The following BICD2 variants were observed in gnomAD, a reference collection of about 807,000 sequenced individuals.
BICD2 encodes the protein BICD cargo adaptor 2.
BICD2 carries 25 observed loss-of-function variants against 72.9 expected under a neutral mutation model. The ratio of observed to expected loss-of-function variants is 0.34; its 90% CI spans 0.25 to 0.48. The LOEUF (loss-of-function observed/expected upper bound fraction) is 0.48. Among genes scored for constraint, BICD2 ranks in the 20% least tolerant of loss-of-function variants. The pLI is 0.99. For synonymous variants in BICD2, 501 were observed against 516.1 expected (o/e 0.97, Z 0.40); for missense variants, 894 against 1,175.2 (o/e 0.76, Z 3.50).
At position 92,719,623 on chromosome 9, in the gene BICD2, T is replaced by C. The variant is rs1325706367; in HGVS notation, c.1063-41A>G. ...CAGCAGGACACCATGTCAGTTGCTATGGACCCCGAGAGCTTGGAGGACCCC... is the reference window on the plus strand; with the variant it reads ...CAGCAGGACACCATGTCAGTTGCTACGGACCCCGAGAGCTTGGAGGACCCC... On this transcript the variant is annotated intron_variant, in intron 4 of 6. Coordinates refer to ENST00000356884, the MANE Select transcript of BICD2 (RefSeq NM_001003800.2). 16 of 1,527,738 alleles carry C rather than the reference T, an allele frequency of 1.0e-5. No individual in the cohort carries two copies. The East Asian group carries it at 3.5e-4, about 34-fold the overall frequency. 94.6% of individuals were successfully genotyped at this position (1,527,738 alleles called of 1,614,324 possible).
In BICD2 at chr9:92,747,141, AC is replaced by A. The variant is rs1452788168; in HGVS notation, c.240+17363del. Among the ~76,000 whole-genome samples, 3 of 152,184 alleles carry A rather than the reference AC, an allele frequency of 2.0e-5. No homozygotes were observed. In the East Asian group the frequency reaches 5.8e-4, roughly 30 times the overall value. On this transcript the variant is annotated intron_variant, in intron 1 of 6. Coordinates refer to ENST00000356884, the MANE Select transcript of BICD2 (RefSeq NM_001003800.2). Reference sequence around the variant, plus strand: ...GGTGGCCCACCAAGCTCCCACACAGACCTTCTGGATGACTTCCCTGGTGGGT... The same window carrying A: ...GGTGGCCCACCAAGCTCCCACACAGACTTCTGGATGACTTCCCTGGTGGGT...
intron 1 of BICD2, among the ~76,000 whole-genome samples, chr9:92,744,291 G>A (rs936902221): frequency 6.6e-6 from 1 of 152,224 alleles, no homozygotes; most frequent in Non-Finnish European, 1.5e-5. Context: ...AAAAAAGTAC[G>A]GTGCAACTCC....
rs201091707 is a variant in BICD2 at position 92,720,786 on chromosome 9, A to G, written c.607-31T>C. ...AAGAGAAGTCAACGCTCTTGCATCA[A>G]TGCAATGTGGAAGCTCCTTTCAGGC... On this transcript the variant is annotated intron_variant, in intron 3 of 6. Transcript: ENST00000356884. This position sits in a 1 kb window ranked among gnomAD's most constrained non-coding sequence, Gnocchi z 5.4. The G allele has an allele frequency of 6.9e-6, 11 of 1,599,034 alleles. No individual in the cohort carries two copies. The highest frequency in any genetic ancestry group is 3.3e-4 in the Middle Eastern group (2 of 5,978).
intron 1 of BICD2, among the ~76,000 whole-genome samples, chr9:92,762,126 C>T (rs184786670): frequency 5.9e-5 from 9 of 152,250 alleles, no homozygotes; most frequent in East Asian, 1.9e-4. Flanking sequence ...TTATTAGTAA[C>T]TAAATGCACT....
intron 1 of BICD2, among the ~76,000 whole-genome samples, chr9:92,730,875 C>T (rs563566948): frequency 6.6e-6 from 1 of 152,340 alleles, no homozygotes; most frequent in Admixed American, 6.5e-5. Context: ...CAACACAACA[C>T]CCACTACGTG....
At position 92,712,387 on chromosome 9, in the gene BICD2, C is replaced by T. The variant is rs1853211285; in HGVS notation, c.*2767G>A. ...GCATGCCCACTAGCTCTTCCCTGCTCGCTTTTGAGAATGATCTGTGCTGGG... is the reference window on the plus strand; with the variant it reads ...GCATGCCCACTAGCTCTTCCCTGCTTGCTTTTGAGAATGATCTGTGCTGGG... On this transcript the variant is annotated 3_prime_UTR_variant, in exon 7 of 7. Coordinates refer to ENST00000356884, the MANE Select transcript of BICD2 (RefSeq NM_001003800.2). 1 of 152,636 alleles carries T rather than the reference C, an allele frequency of 6.6e-6. No homozygotes were observed. Among genetic ancestry groups the T allele is most frequent in the African/African-American group, 2.4e-5 (1 of 41,448 alleles). 9.5% of individuals were successfully genotyped at this position (152,636 alleles called of 1,614,324 possible). A position where few individuals can be genotyped will look rare whatever the true frequency, so the allele number is the denominator to read the frequency against.
In BICD2 at chr9:92,718,853, C is replaced by T; in HGVS notation, c.1792G>A (p.Ala598Thr). 1 of 1,599,864 alleles carries T rather than the reference C, an allele frequency of 6.3e-7. No homozygotes were observed. Among genetic ancestry groups the T allele is most frequent in the Admixed American group, 1.7e-5 (1 of 57,202 alleles). The change falls in exon 5 of 7, where the codon GCA becomes ACA. Residue 598 changes from alanine (A) to threonine (T), a missense_variant. Ala to Thr is a moderately conservative substitution (Grantham distance 58, BLOSUM62 0). This residue lies in a region of BICD2 where 321 missense variants were observed against 443.9 expected (regional missense o/e 0.72). Transcript: ENST00000356884. ...CTGCTGTCCCCCGTCCCACCATCTG[C>T]TCGGCCCGCCTCAGGAGCCAGCAGC... The part of the protein sequence containing the change: ...KGLLAPEAGR[A>T]DGGTGDSSPS...
At position 92,755,483 on chromosome 9, in the gene BICD2, T is replaced by C. The variant is rs565060231; in HGVS notation, c.240+9022A>G. On this transcript the variant is annotated intron_variant, in intron 1 of 6. Coordinates refer to ENST00000356884, the MANE Select transcript of BICD2 (RefSeq NM_001003800.2). Reference sequence around the variant, plus strand: ...CTCCCTAATAAAAACTTGCTGGTTTTTGCGGCTTGTGGGGCATCACGGAAC... The same window carrying C: ...CTCCCTAATAAAAACTTGCTGGTTTCTGCGGCTTGTGGGGCATCACGGAAC... Among the ~76,000 whole-genome samples, 11 of 152,336 alleles carry C rather than the reference T, an allele frequency of 7.2e-5. No homozygotes were observed. In the East Asian group the frequency reaches 2.1e-3, roughly 29 times the overall value.
intron 3 of BICD2, among the ~76,000 whole-genome samples, chr9:92,721,561 AG>A (rs1853465381): frequency 6.6e-6 from 1 of 152,388 alleles, no homozygotes; most frequent in African/African-American, 2.4e-5. Context: ...AACCAGTAAC[AG>A]GAAGTGCTGA....
intron 1 of BICD2, among the ~76,000 whole-genome samples, chr9:92,748,456 A>G (rs1854062325): frequency 6.6e-6 from 1 of 152,150 alleles, no homozygotes; most frequent in Non-Finnish European, 1.5e-5. Context: ...GAGCTTTAGA[A>G]TTTTTGAAAG....
intron 1 of BICD2, among the ~76,000 whole-genome samples, chr9:92,754,637 C>A (rs555848560): frequency 6.6e-6 from 1 of 152,296 alleles, no homozygotes; most frequent in East Asian, 1.9e-4. Flanking sequence ...GGCAGAAGAA[C>A]GTGGATTGTG....
In BICD2 at chr9:92,714,064, AC is replaced by A; in HGVS notation, c.*1089del. On this transcript the variant is annotated 3_prime_UTR_variant, in exon 7 of 7. Coordinates refer to ENST00000356884, the MANE Select transcript of BICD2 (RefSeq NM_001003800.2). ...CTGGAAATGGGAGAACCCTACAGCT[AC>A]CTTTCCTCTTTCTCTGTTGCCATCC... 1.0e-6 allele frequency: 1 copy of A among 985,998 alleles called. No individual in the cohort carries two copies. The highest frequency in any genetic ancestry group is 1.2e-6 in the Non-Finnish European group (1 of 830,340). 61.1% of individuals were successfully genotyped at this position (985,998 alleles called of 1,614,324 possible). A position where few individuals can be genotyped will look rare whatever the true frequency, so the allele number is the denominator to read the frequency against.
chr9:92,758,204 AAATAATAATAAT>A (rs147701766), intron 1 of BICD2, among the ~76,000 whole-genome samples: 4 of 144,474 alleles, frequency 2.8e-5, no homozygotes, highest in African/African-American at 1.0e-4. Flanking sequence ...ACTCTGTCTC[AAATAATAATAAT>A]AATAATAATA....
chr9:92,728,641 C>T (rs567178817), intron 2 of BICD2, among the ~76,000 whole-genome samples: 10 of 152,340 alleles, frequency 6.6e-5, no homozygotes, highest in African/African-American at 1.7e-4. Context: ...CTGAGTGACA[C>T]AAAACATTCC....
intron 6 of BICD2, among the ~76,000 whole-genome samples, chr9:92,717,345 G>C (rs112880644): frequency 4.6e-5 from 7 of 152,338 alleles, no homozygotes; most frequent in Non-Finnish European, 1.0e-4. Context: ...GGCCTGCTGC[G>C]GTTTCATTCA....
chr9:92,735,236 G>A (rs1411767788), intron 1 of BICD2, among the ~76,000 whole-genome samples: 4 of 152,306 alleles, frequency 2.6e-5, no homozygotes, highest in South Asian at 4.1e-4. Context: ...ACACCCATGT[G>A]ACTATAGCAC....
Position 92,764,811 on chromosome 9 carries a change from G to GCCA in BICD2, c.-68_-67insTGG. ...GGCCGGGCCCTCCTCAGCCGCCGCC[G>GCCA]CTGCCGCCGCCGCCGCCGCCCTGCC... On this transcript the variant is annotated 5_prime_UTR_variant, in exon 1 of 7. Coordinates refer to ENST00000356884, the MANE Select transcript of BICD2 (RefSeq NM_001003800.2). The surrounding 1 kb of genome is among the most constrained non-coding windows in gnomAD (Gnocchi z 5.5). The GCCA allele has an allele frequency of 1.7e-6, 2 of 1,189,396 alleles. No homozygotes were observed. The highest frequency in any genetic ancestry group is 4.6e-5 in the East Asian group (1 of 21,540). The allele number at this position is 1,189,396 out of a possible 1,614,324, so 73.7% of individuals were successfully genotyped here.
intron 1 of BICD2, among the ~76,000 whole-genome samples, chr9:92,754,443 C>G (rs1854215002): frequency 6.6e-6 from 1 of 152,204 alleles, no homozygotes; most frequent in African/African-American, 2.4e-5. Context: ...CCTCATATAT[C>G]AATCAGTCTG....
intron 6 of BICD2, among the ~76,000 whole-genome samples, chr9:92,715,896 A>T (rs1853301885): frequency 6.6e-6 from 1 of 152,160 alleles, no homozygotes; most frequent in Admixed American, 6.5e-5. Flanking sequence ...TAGGGTGTGG[A>T]TGTAAATCTA....
Sources: allele counts gnomAD v4.1 joint callset (sites outside exome capture counted in the v4.1 genomes callset), GRCh38; gene constraint gnomAD v4.1.1; regional missense constraint gnomAD v4.1.1; non-coding constraint Gnocchi (gnomAD v3.1); transcripts MANE v1.5; gene names NCBI Gene and HGNC (gene_info 2026-07-23, HGNC 2026-07-21).